Variants in GOLPH3L observed in about 807,000 individuals in gnomAD.
GOLPH3L encodes Golgi phosphoprotein 3-like.
A neutral mutation model predicts 30.3 loss-of-function variants in GOLPH3L; 22 were observed. That is an observed-to-expected ratio of 0.73 (90% CI 0.52 to 1.04). The LOEUF (loss-of-function observed/expected upper bound fraction) is 1.04, where lower values mean the gene tolerates loss of function less well. GOLPH3L is among the 50% of genes least tolerant of loss of function. GOLPH3L has a pLI of 0.00. For synonymous variants in GOLPH3L, 120 were observed against 128.2 expected (o/e 0.94, Z 0.43); for missense variants, 303 against 345.8 (o/e 0.88, Z 0.98).
At chr1:150,672,263 C>T (rs1650664148) in intron 2 of GOLPH3L, among the ~76,000 whole-genome samples, 1 of 152,040 alleles carries the variant, frequency 6.6e-6, no homozygotes, top group South Asian at 2.1e-4. Context: ...TTTTTTTCCT[C>T]CTAAAAAATT....
chr1:150,678,499 C>T (rs1264138045), intron 2 of GOLPH3L, among the ~76,000 whole-genome samples: 2 of 151,914 alleles, frequency 1.3e-5, no homozygotes, highest in Non-Finnish European at 2.9e-5. Flanking sequence ...AACTTTTATT[C>T]TGTGTAGACT....
At chr1:150,668,186 CT>C (rs1235268170) in intron 2 of GOLPH3L, among the ~76,000 whole-genome samples, 3 of 152,112 alleles carry the variant, frequency 2.0e-5, no homozygotes, top group African/African-American at 4.8e-5. Flanking sequence ...GAGAATATCC[CT>C]TATGCCGCAA....
Position 150,648,599 on chromosome 1 carries a change from T to C in GOLPH3L, c.580A>G (p.Thr194Ala), listed in dbSNP as rs770248249. The C allele has an allele frequency of 6.2e-7, 1 of 1,614,098 alleles. No individual in the cohort carries two copies. The highest frequency in any genetic ancestry group is 1.1e-5 in the South Asian group (1 of 91,078). Residue 194 changes from threonine to alanine, a missense_variant, in exon 5 of 5, where the codon ACA becomes GCA. Coordinates refer to ENST00000271732, the MANE Select transcript of GOLPH3L (RefSeq NM_018178.6). Reference sequence around the variant, plus strand: ...TTTTTCACTAGTCGCTGTTTCTCTGTTGTATTGGTCACTGGATGAGTAGTC... The same window carrying C: ...TTTTTCACTAGTCGCTGTTTCTCTGCTGTATTGGTCACTGGATGAGTAGTC... ...DMTTHPVTNT[T>A]EKQRLVKKLQ...
At chr1:150,679,008 T>C (rs1300267209) in intron 2 of GOLPH3L, among the ~76,000 whole-genome samples, 2 of 152,220 alleles carry the variant, frequency 1.3e-5, no homozygotes, top group African/African-American at 4.8e-5. Context: ...CTTTTTTTAA[T>C]GTTGTTAATT....
intron 4 of GOLPH3L, among the ~76,000 whole-genome samples, chr1:150,652,576 A>G (rs1650148144): frequency 6.6e-6 from 1 of 152,080 alleles, no homozygotes; most frequent in South Asian, 2.1e-4. Context: ...AGGACACACT[A>G]GACAGTAATT....
chr1:150,650,233 T>G (rs935768594), intron 4 of GOLPH3L, among the ~76,000 whole-genome samples: 17 of 152,150 alleles, frequency 1.1e-4, no homozygotes, highest in African/African-American at 3.9e-4. Context: ...GCACAACCTT[T>G]GACTAATAAG....
At chr1:150,674,220 A>G (rs1322887630) in intron 2 of GOLPH3L, among the ~76,000 whole-genome samples, 1 of 152,062 alleles carries the variant, frequency 6.6e-6, no homozygotes, top group East Asian at 1.9e-4. Flanking sequence ...AGAGCAAAAT[A>G]AACTATCATT....
At chr1:150,653,303 T>A (rs1426815301) in intron 4 of GOLPH3L, among the ~76,000 whole-genome samples, 11 of 149,482 alleles carry the variant, frequency 7.4e-5, no homozygotes, top group East Asian at 3.9e-4. Flanking sequence ...TTTTTATTTT[T>A]TTTTTTTTTT....
At chr1:150,652,821 G>A (rs1165003362) in intron 4 of GOLPH3L, among the ~76,000 whole-genome samples, 1 of 152,010 alleles carries the variant, frequency 6.6e-6, no homozygotes, top group African/African-American at 2.4e-5. Context: ...TTGAAGTAAG[G>A]AAAATGACAA....
At chr1:150,678,400 G>A (rs1650870350) in intron 2 of GOLPH3L, among the ~76,000 whole-genome samples, 1 of 149,776 alleles carries the variant, frequency 6.7e-6, no homozygotes, top group Non-Finnish European at 1.5e-5. Flanking sequence ...TTCAATTTTA[G>A]ATAACGTCTA....
intron 4 of GOLPH3L, among the ~76,000 whole-genome samples, chr1:150,652,863 G>A (rs1389194005): frequency 6.6e-6 from 1 of 152,090 alleles, no homozygotes; most frequent in African/African-American, 2.4e-5. Context: ...AGGAAGAAAT[G>A]AAGAAAACCA....
chr1:150,682,045 C>T (rs375475217), intron 2 of GOLPH3L, among the ~76,000 whole-genome samples: 1 of 145,892 alleles, frequency 6.9e-6, no homozygotes, highest in South Asian at 2.3e-4. Context: ...GCCTGAGTGA[C>T]AGAGGAGACA....
chr1:150,670,622 A>AAATG (rs1650623786), intron 2 of GOLPH3L, among the ~76,000 whole-genome samples: 1 of 152,146 alleles, frequency 6.6e-6, no homozygotes, highest in Admixed American at 6.6e-5. Context: ...AAATAAAAAG[A>AAATG]AATGTAGACT....
intron 4 of GOLPH3L, among the ~76,000 whole-genome samples, chr1:150,655,839 T>C (rs1209530170): frequency 2.6e-5 from 4 of 152,198 alleles, no homozygotes; most frequent in Non-Finnish European, 5.9e-5. Flanking sequence ...TATGGGAGCA[T>C]TACAGCCAGG....
At chr1:150,685,194 A>G (rs1299790721) in intron 2 of GOLPH3L, among the ~76,000 whole-genome samples, 1 of 152,174 alleles carries the variant, frequency 6.6e-6, no homozygotes, top group East Asian at 1.9e-4. Flanking sequence ...AACTAATAAA[A>G]TCATTCAGAA....
At chr1:150,676,659 G>C in intron 2 of GOLPH3L, among the ~76,000 whole-genome samples, 1 of 127,314 alleles carries the variant, frequency 7.9e-6, no homozygotes, top group East Asian at 2.3e-4. Flanking sequence ...TTTTTGAGAT[G>C]GAGTTTCACT....
intron 2 of GOLPH3L, among the ~76,000 whole-genome samples, chr1:150,691,475 C>T (rs972516327): frequency 6.6e-6 from 1 of 151,928 alleles, no homozygotes; most frequent in Admixed American, 6.6e-5. Context: ...AAGATGGTGC[C>T]ACTATACTCC....
intron 2 of GOLPH3L, chr1:150,694,081 ACTCCTGG>A (rs1187817836): frequency 2.5e-6 from 1 of 392,442 alleles, no homozygotes; most frequent in East Asian, 1.1e-4. Context: ...CTAGTCTTGA[ACTCCTGG>A]CCTCAAGTGA....
At chr1:150,649,158 C>T (rs1306409256) in intron 4 of GOLPH3L, among the ~76,000 whole-genome samples, 3 of 152,226 alleles carry the variant, frequency 2.0e-5, no homozygotes, top group African/African-American at 7.2e-5. Flanking sequence ...AGCTCTATCC[C>T]AGGCCTGGTA....
Sources: allele counts gnomAD v4.1 joint callset (sites outside exome capture counted in the v4.1 genomes callset), GRCh38; gene constraint gnomAD v4.1.1; transcripts MANE v1.5; gene names NCBI Gene and HGNC (gene_info 2026-07-23, HGNC 2026-07-21).